RBFOX1: variants seen among roughly 807,000 people sequenced by gnomAD.
The protein encoded by RBFOX1 is RNA binding protein fox-1 homolog 1.
In RBFOX1, 8 loss-of-function variants were observed where a neutral mutation model predicts 57.7. That is an observed-to-expected ratio of 0.14 (90% CI 0.08 to 0.25). The LOEUF (loss-of-function observed/expected upper bound fraction) is 0.25, where lower values mean the gene tolerates loss of function less well. Ranked by LOEUF, RBFOX1 falls within the 10% of genes least tolerant of loss-of-function variation. The pLI is 1.00. For synonymous variants in RBFOX1, 326 were observed against 222.4 expected, an observed-to-expected ratio of 1.47 and a Z score of -4.15; for missense variants, 611 against 548.5, an observed-to-expected ratio of 1.11 and a Z score of -1.14.
chr16:7,153,492 T>G (rs1352643284), intron 4 of RBFOX1, among the ~76,000 whole-genome samples: 1 of 151,952 alleles, frequency 6.6e-6, no homozygotes, highest in Non-Finnish European at 1.5e-5. Flanking sequence ...ATCCCAGCAC[T>G]TTGGGAGGCT....
chr16:7,599,703 T>A (rs537552567), intron 9 of RBFOX1, among the ~76,000 whole-genome samples: 1 of 136,356 alleles, frequency 7.3e-6, no homozygotes, highest in South Asian at 2.4e-4. Context: ...TGGAGGGCAG[T>A]GGCATGCTAT....
intron 1 of RBFOX1, among the ~76,000 whole-genome samples, chr16:5,416,568 C>G (rs2067164610): frequency 6.6e-6 from 1 of 152,120 alleles, no homozygotes; most frequent in Non-Finnish European, 1.5e-5. Flanking sequence ...CAGGTTGACA[C>G]CTTGTAAAAA....
intron 3 of RBFOX1, among the ~76,000 whole-genome samples, chr16:6,691,131 C>T (rs2060146832): frequency 6.6e-6 from 1 of 152,102 alleles, no homozygotes; most frequent in Non-Finnish European, 1.5e-5. Flanking sequence ...TTACAGAGTC[C>T]TGGAAAGAAA....
At chr16:6,570,794 C>T (rs1009689375) in intron 2 of RBFOX1, among the ~76,000 whole-genome samples, 1 of 152,008 alleles carries the variant, frequency 6.6e-6, no homozygotes, top group African/African-American at 2.4e-5. Flanking sequence ...ATTTTTTCCT[C>T]AATTATTATA....
chr16:6,462,653 G>A (rs993846177), intron 2 of RBFOX1, among the ~76,000 whole-genome samples: 26 of 152,004 alleles, frequency 1.7e-4, no homozygotes, highest in African/African-American at 5.6e-4. Context: ...ATTAGTAAAA[G>A]CTCACCAATT....
chr16:5,431,306 T>C (rs1431059614), intron 1 of RBFOX1, among the ~76,000 whole-genome samples: 1 of 152,262 alleles, frequency 6.6e-6, no homozygotes, highest in Non-Finnish European at 1.5e-5. Context: ...ATTTCAACCG[T>C]GCAGAAATAC....
At position 7,578,920 on chromosome 16, in the gene RBFOX1, A is replaced by T. The variant is rs544778395; in HGVS notation, c.271-857A>T. Among the ~76,000 whole-genome samples the T allele has an allele frequency of 1.3e-5, 2 of 152,330 alleles. 1 individual carries two copies. The highest frequency in any genetic ancestry group is 4.8e-5 in the African/African-American group (2 of 41,586). ...GTGGGTGTCAATGTAACGTCATGTT[A>T]TACAGCCTTATTTGGAAGACAGGGG... On this transcript the variant is annotated intron_variant, in intron 5 of 15. Transcript: ENST00000550418.
chr16:6,962,102 C>G (rs369401326), intron 3 of RBFOX1, among the ~76,000 whole-genome samples: 2 of 152,200 alleles, frequency 1.3e-5, no homozygotes, highest in Admixed American at 6.5e-5. Flanking sequence ...ATCCAAAAAT[C>G]AGGCTGTATC....
chr16:5,749,270 C>T (rs187164690), intron 3 of RBFOX1, among the ~76,000 whole-genome samples: 5 of 152,202 alleles, frequency 3.3e-5, no homozygotes, highest in East Asian at 1.9e-4. Context: ...GTGTGTAACC[C>T]GACCTTTCTC....
chr16:7,459,226 G>A (rs1211459135), intron 4 of RBFOX1, among the ~76,000 whole-genome samples: 1 of 152,180 alleles, frequency 6.6e-6, no homozygotes, highest in Non-Finnish European at 1.5e-5. Context: ...TTTAACATCA[G>A]TAGTAATCTC....
At chr16:7,497,815 G>A (rs2069188694) in intron 4 of RBFOX1, among the ~76,000 whole-genome samples, 2 of 152,194 alleles carry the variant, frequency 1.3e-5, no homozygotes, top group East Asian at 1.9e-4. Context: ...GATGCCTTAA[G>A]CATTCTGCAT....
intron 1 of RBFOX1, among the ~76,000 whole-genome samples, chr16:6,173,851 C>A (rs544878467): frequency 7.9e-5 from 12 of 152,054 alleles, no homozygotes; most frequent in Non-Finnish European, 1.6e-4. Flanking sequence ...CTGAAGTGAT[C>A]TGCCTGCCTT....
intron 1 of RBFOX1, among the ~76,000 whole-genome samples, chr16:5,384,030 C>T (rs966042296): frequency 3.9e-5 from 6 of 152,192 alleles, no homozygotes; most frequent in Admixed American, 6.5e-5. Flanking sequence ...TGGCATCAGG[C>T]GCTCAGCTTC....
At chr16:5,283,067 C>A (rs548134533) in intron 1 of RBFOX1, among the ~76,000 whole-genome samples, 1 of 152,158 alleles carries the variant, frequency 6.6e-6, no homozygotes, top group Non-Finnish European at 1.5e-5. Context: ...CTAAAAGGAG[C>A]CAAGATACAA....
At chr16:5,706,425 C>A (rs1351508468) in intron 3 of RBFOX1, among the ~76,000 whole-genome samples, 4 of 152,250 alleles carry the variant, frequency 2.6e-5, no homozygotes, top group East Asian at 1.9e-4. Flanking sequence ...AGGAAACCTG[C>A]CCTCTTATTT....
chr16:6,602,414 A>G (rs935579374), intron 2 of RBFOX1, among the ~76,000 whole-genome samples: 2 of 152,136 alleles, frequency 1.3e-5, no homozygotes, highest in African/African-American at 4.8e-5. Flanking sequence ...TTGTCTGAGT[A>G]TAGGATGGTC....
At chr16:7,060,791 C>G (rs952500186) in intron 4 of RBFOX1, among the ~76,000 whole-genome samples, 2 of 152,174 alleles carry the variant, frequency 1.3e-5, no homozygotes, top group Admixed American at 6.5e-5. Flanking sequence ...TCTCCCCTCA[C>G]TTAAGAAAAG....
rs541934828 is a variant in RBFOX1 at position 7,438,073 on chromosome 16, T to C, written c.28-80074T>C. Among the ~76,000 whole-genome samples the C allele has an allele frequency of 3.9e-5, 6 of 152,272 alleles. No homozygotes were observed. The East Asian group carries it at 1.2e-3, about 29-fold the overall frequency. ...TGTATTTAAAATTATAGTTCTGAGA[T>C]GGGACTTGCTCCGCGATGCTTGTCT... On this transcript the variant is annotated intron_variant, in intron 4 of 15. Coordinates refer to ENST00000550418, the MANE Select transcript of RBFOX1 (RefSeq NM_018723.4).
chr16:7,109,216 C>G (rs904538110), intron 4 of RBFOX1, among the ~76,000 whole-genome samples: 2 of 151,984 alleles, frequency 1.3e-5, no homozygotes, highest in African/African-American at 4.8e-5. Flanking sequence ...TAAAGGATAC[C>G]AGTAGATTTT....
Sources: allele counts gnomAD v4.1 joint callset (sites outside exome capture counted in the v4.1 genomes callset), GRCh38; gene constraint gnomAD v4.1.1; transcripts MANE v1.5; gene names NCBI Gene and HGNC (gene_info 2026-07-23, HGNC 2026-07-21).